TBXAS1: variants seen among roughly 807,000 people sequenced by gnomAD.
TBXAS1 encodes the protein thromboxane-A synthase.
Under a neutral mutation model 60.7 loss-of-function variants are expected in TBXAS1, and 48 were observed. That is an observed-to-expected ratio of 0.79 (90% CI 0.63 to 1.01). TBXAS1 has a LOEUF of 1.01. Among genes scored for constraint, TBXAS1 ranks in the 50% least tolerant of loss-of-function variants. The probability of loss-of-function intolerance (pLI) is 0.00; values close to 1 mark genes in which losing one functional copy is unlikely to be tolerated. For missense variants in TBXAS1, 685 were observed against 686.3 expected (o/e 1.00, Z 0.02); for synonymous variants, 287 against 269.7 (o/e 1.06, Z -0.63).
At chr7:140,003,924 G>A (rs1813873604) in intron 9 of TBXAS1, among the ~76,000 whole-genome samples, 3 of 152,196 alleles carry the variant, frequency 2.0e-5, no homozygotes, top group South Asian at 4.2e-4. Context: ...GGAGCAGATG[G>A]CAACAGGAAC....
intron 3 of TBXAS1, among the ~76,000 whole-genome samples, chr7:139,876,602 C>T (rs1383650731): frequency 6.6e-6 from 1 of 152,106 alleles, no homozygotes; most frequent in Non-Finnish European, 1.5e-5. Flanking sequence ...TCCTGATACC[C>T]ATTTTTGAAA....
At chr7:139,796,956 C>G (rs59219352) in intron 4 of TBXAS1, among the ~76,000 whole-genome samples, 1 of 152,158 alleles carries the variant, frequency 6.6e-6, no homozygotes, top group African/African-American at 2.4e-5. Flanking sequence ...GTTAAACTTG[C>G]GCTTGACATG....
In TBXAS1 at chr7:140,020,226, A is replaced by C. The variant is rs1815453765; in HGVS notation, c.*127A>C. 4.4e-6 allele frequency: 4 copies of C among 919,494 alleles called. No homozygotes were observed. In the African/African-American group the frequency reaches 4.9e-5, roughly 11 times the overall value. 57.0% of individuals were successfully genotyped at this position (919,494 alleles called of 1,614,324 possible). ...AGAGTGCCTGGCATGCAAGGATAAG[A>C]GGTTCTTTACATAACATTTCCTAAA... On this transcript the variant is annotated 3_prime_UTR_variant, in exon 13 of 13. Transcript: ENST00000448866.
intron 4 of TBXAS1, among the ~76,000 whole-genome samples, chr7:139,820,565 A>C (rs1798270380): frequency 6.6e-6 from 1 of 152,106 alleles, no homozygotes; most frequent in Non-Finnish European, 1.5e-5. Flanking sequence ...TTTAACAATG[A>C]AAATAGACGG....
intron 4 of TBXAS1, among the ~76,000 whole-genome samples, chr7:139,812,322 C>T (rs1027949661): frequency 1.3e-5 from 2 of 152,162 alleles, no homozygotes; most frequent in African/African-American, 2.4e-5. Flanking sequence ...GTGAACTCCT[C>T]GGTGACAGAT....
At chr7:139,874,122 C>G (rs568846205) in intron 2 of TBXAS1, among the ~76,000 whole-genome samples, 1 of 152,262 alleles carries the variant, frequency 6.6e-6, no homozygotes, top group East Asian at 1.9e-4. Context: ...AACACCTTCT[C>G]CTCTCATCTC....
Position 140,008,114 on chromosome 7 carries a change from T to C in TBXAS1, c.1226+932T>C, listed in dbSNP as rs141599675. ...GAATTAACAGATCACATAAACCATA[T>C]GGAAATACCTTTCACCATTTTTAAA... On this transcript the variant is annotated intron_variant, in intron 10 of 12. Transcript: ENST00000448866. 3.3e-5 allele frequency among the ~76,000 whole-genome samples: 5 copies of C among 152,370 alleles called. No individual in the cohort carries two copies. In the East Asian group the frequency reaches 9.6e-4, roughly 29 times the overall value.
At chr7:139,859,885 T>G (rs1443384736) in intron 1 of TBXAS1, among the ~76,000 whole-genome samples, 2 of 152,172 alleles carry the variant, frequency 1.3e-5, no homozygotes, top group Non-Finnish European at 2.9e-5. Context: ...ACACCTGTAA[T>G]CCCAGCACTT....
At chr7:139,818,619 T>C (rs17161151) in intron 4 of TBXAS1, among the ~76,000 whole-genome samples, 5,678 of 152,268 alleles carry the variant, frequency 0.037, 346 homozygotes, top group African/African-American at 0.13. Context: ...CTTAGGATTA[T>C]CTTCTACTTG....
chr7:139,934,722 C>T (rs146711488), intron 4 of TBXAS1, among the ~76,000 whole-genome samples: 1 of 152,316 alleles, frequency 6.6e-6, no homozygotes, highest in East Asian at 1.9e-4. Context: ...ACATGGTCTT[C>T]CCTTTGTGTG....
chr7:139,852,625 T>C lies in TBXAS1; in HGVS notation c.90-19610T>C, dbSNP rs1033116787. On this transcript the variant is annotated intron_variant, in intron 1 of 12. Coordinates refer to ENST00000448866, the MANE Select transcript of TBXAS1 (RefSeq NM_001061.7). This position sits in a 1 kb window ranked among gnomAD's most constrained non-coding sequence, Gnocchi z 4.4. ...ATCTGGGGGATTACAGGAACAAACA[T>C]GATGCAAGGGGATTATAAATATTTT... Among the ~76,000 whole-genome samples, 9 of 152,162 alleles carry C rather than the reference T, an allele frequency of 5.9e-5. No homozygotes were observed. The highest frequency in any genetic ancestry group is 8.8e-5 in the Non-Finnish European group (6 of 68,030).
intron 3 of TBXAS1, among the ~76,000 whole-genome samples, chr7:139,906,702 A>C (rs554061317): frequency 1.3e-5 from 2 of 152,332 alleles, no homozygotes; most frequent in South Asian, 4.1e-4. Context: ...CTGATATGCC[A>C]GTTTTGGGAG....
chr7:140,007,952 C>T (rs904849861), intron 10 of TBXAS1, among the ~76,000 whole-genome samples: 1 of 152,212 alleles, frequency 6.6e-6, no homozygotes, highest in Non-Finnish European at 1.5e-5. Context: ...AAACAAGGCA[C>T]TCCATAGAGA....
At chr7:139,864,148 A>T (rs1801175022) in intron 1 of TBXAS1, among the ~76,000 whole-genome samples, 1 of 152,182 alleles carries the variant, frequency 6.6e-6, no homozygotes. Context: ...ATTTGCATAA[A>T]ACATAATTAT....
intron 4 of TBXAS1, chr7:139,787,576 A>C (rs1314484945): frequency 6.6e-6 from 1 of 152,170 alleles, no homozygotes; most frequent in Non-Finnish European, 1.5e-5. Context: ...ACAAGATGGC[A>C]CCACCGGGTT....
At chr7:139,925,295 A>AT (rs1170664171) in intron 4 of TBXAS1, among the ~76,000 whole-genome samples, 2 of 151,794 alleles carry the variant, frequency 1.3e-5, no homozygotes, top group African/African-American at 4.8e-5. Context: ...ATATCTTTCC[A>AT]TTTTTTTTGT....
Position 139,872,272 on chromosome 7 carries a change from G to C in TBXAS1, c.127G>C (p.Gly43Arg). 1.2e-6 allele frequency: 2 copies of C among 1,614,050 alleles called. No individual in the cohort carries two copies. Among genetic ancestry groups the C allele is most frequent in the Non-Finnish European group, 1.7e-6 (2 of 1,179,972 alleles). ...TSAFSRLEKLGLRHPKPSPFI... is the reference protein window; with the variant it reads ...TSAFSRLEKLRLRHPKPSPFI... ...AGCATTCTCAAGACTGGAGAAGTTA[G>C]GCCTCAGACATCCCAAGCCTTCTCC... The change falls in exon 2 of 13, where the codon GGC becomes CGC. Residue 43 changes from glycine to arginine, a missense_variant. Physicochemically the swap from Gly to Arg is moderately radical, Grantham distance 125 (BLOSUM62 -2). Coordinates refer to ENST00000448866, the MANE Select transcript of TBXAS1 (RefSeq NM_001061.7).
intron 5 of TBXAS1, among the ~76,000 whole-genome samples, chr7:139,951,593 T>TAAAAAAAAAAAAAAA (rs66551791): frequency 4.5e-5 from 3 of 66,312 alleles, no homozygotes; most frequent in African/African-American, 1.8e-4. Context: ...CCGTCTCTAC[T>TAAAAAAAAAAAAAAA]AAAAAAAAAA....
intron 4 of TBXAS1, among the ~76,000 whole-genome samples, chr7:139,805,700 TTCTTTCTTTCTTTC>T (rs1428433305): frequency 2.5e-3 from 92 of 37,438 alleles, no homozygotes; most frequent in Middle Eastern, 0.019. Flanking sequence ...CTTTCTTTCT[TTCTTTCTTTCTTTC>T]TCTCTCTCTC....
Sources: gnomAD v4.1 joint callset for allele counts (sites outside exome capture counted in the v4.1 genomes callset) on GRCh38, gnomAD v4.1.1 for gene constraint, Gnocchi (gnomAD v3.1) non-coding constraint, MANE v1.5 for transcripts, NCBI Gene and HGNC (gene_info 2026-07-23, HGNC 2026-07-21) for gene names.